EIF2B3: variants seen among roughly 807,000 people sequenced by gnomAD.
EIF2B3 encodes the protein eukaryotic translation initiation factor 2B subunit gamma.
A neutral mutation model predicts 54.1 loss-of-function variants in EIF2B3; 20 were observed. The ratio of observed to expected loss-of-function variants is 0.37; its 90% CI spans 0.26 to 0.54. The LOEUF (loss-of-function observed/expected upper bound fraction) is 0.54. EIF2B3 is among the 20% of genes least tolerant of loss of function. The pLI, the probability that EIF2B3 is intolerant of heterozygous loss-of-function variation, is 0.86. For missense variants in EIF2B3, 448 were observed against 547.8 expected, an observed-to-expected ratio of 0.82 and a Z score of 1.82; for synonymous variants, 153 against 188.1, an observed-to-expected ratio of 0.81 and a Z score of 1.52.
chr1:44,906,518 A>C (rs1643413646), intron 5 of EIF2B3, among the ~76,000 whole-genome samples: 1 of 152,222 alleles, frequency 6.6e-6, no homozygotes, highest in Admixed American at 6.5e-5. Context: ...CTCCTGCCTC[A>C]GCCTCCCGAG....
At chr1:44,891,689 C>T (rs1655801496) in intron 6 of EIF2B3, among the ~76,000 whole-genome samples, 1 of 152,152 alleles carries the variant, frequency 6.6e-6, no homozygotes, top group Non-Finnish European at 1.5e-5. Flanking sequence ...GAAAATTTAT[C>T]AAGTCATAAC....
rs638062 is a variant in EIF2B3 at position 44,958,684 on chromosome 1, G to A, written c.295-17019C>T. On this transcript the variant is annotated intron_variant, in intron 3 of 11. Coordinates refer to ENST00000360403, the MANE Select transcript of EIF2B3 (RefSeq NM_020365.5). ...CAGCATGGCAGTGGTGAGTTTAGTCGCTCACCAGCTATCTGTGCTGCCTGA... is the reference window on the plus strand; with the variant it reads ...CAGCATGGCAGTGGTGAGTTTAGTCACTCACCAGCTATCTGTGCTGCCTGA... 7.9e-3 allele frequency: 12,631 copies of A among 1,596,666 alleles called. 87 individuals are homozygous for A. Among genetic ancestry groups the A allele is most frequent in the African/African-American group, 0.026 (1,918 of 74,612 alleles).
intron 6 of EIF2B3, among the ~76,000 whole-genome samples, chr1:44,883,363 A>C (rs967900221): frequency 1.3e-5 from 2 of 152,154 alleles, no homozygotes; most frequent in Non-Finnish European, 2.9e-5. Context: ...CATGATTACC[A>C]ATCATTTTTC....
chr1:44,979,226 G>A (rs542688475), intron 2 of EIF2B3, among the ~76,000 whole-genome samples: 1 of 151,142 alleles, frequency 6.6e-6, no homozygotes, highest in East Asian at 2.0e-4. Context: ...TCCAGCCTGG[G>A]TAACAGAGTG....
At chr1:44,922,956 A>G (rs1024297508) in intron 5 of EIF2B3, among the ~76,000 whole-genome samples, 2 of 143,836 alleles carry the variant, frequency 1.4e-5, no homozygotes, top group Non-Finnish European at 3.0e-5. Flanking sequence ...AGCACTTCTC[A>G]TGCGTTAGCC....
chr1:44,942,084 A>G (rs1644030319), intron 3 of EIF2B3, among the ~76,000 whole-genome samples: 1 of 152,098 alleles, frequency 6.6e-6, no homozygotes, highest in Admixed American at 6.6e-5. Flanking sequence ...ACTAGGAAAT[A>G]ACAGGATGAA....
intron 5 of EIF2B3, among the ~76,000 whole-genome samples, chr1:44,914,024 T>C (rs1643570747): frequency 2.0e-5 from 3 of 148,848 alleles, no homozygotes; most frequent in Non-Finnish European, 4.4e-5. Context: ...AGAGATGTAG[T>C]CTCAGGATGT....
intron 11 of EIF2B3, among the ~76,000 whole-genome samples, chr1:44,854,560 T>G (rs575912333): frequency 6.6e-6 from 1 of 151,124 alleles, no homozygotes; most frequent in African/African-American, 2.4e-5. Flanking sequence ...TGAAAATGAT[T>G]AGAATTTGGA....
chr1:44,906,455 C>T (rs764175594), intron 5 of EIF2B3, among the ~76,000 whole-genome samples: 39 of 152,238 alleles, frequency 2.6e-4, no homozygotes, highest in Non-Finnish European at 5.0e-4. Context: ...GGCTGGAGTG[C>T]AGTGGCACGA....
chr1:44,909,629 C>T (rs1643475137), intron 5 of EIF2B3, among the ~76,000 whole-genome samples: 2 of 152,182 alleles, frequency 1.3e-5, no homozygotes, highest in Admixed American at 1.3e-4. Flanking sequence ...CATGGGTTAT[C>T]TTACAGCCAT....
intron 11 of EIF2B3, 139 bp downstream of exon 11, chr1:44,857,565 T>A: frequency 1.2e-6 from 1 of 808,352 alleles, no homozygotes; most frequent in Non-Finnish European, 2.1e-6. Context: ...TCAACTGCTC[T>A]CCAAAGATGG....
In EIF2B3 at chr1:44,855,894, A is replaced by G. The variant is rs565183120; in HGVS notation, c.1306+1810T>C. On this transcript the variant is annotated intron_variant, in intron 11 of 11. Coordinates refer to ENST00000360403, the MANE Select transcript of EIF2B3 (RefSeq NM_020365.5). ...CTTAGTAGGGAAGGCTGATTCACGGATAATTGCCATGGCTTGTGAAACATA... is the reference window on the plus strand; with the variant it reads ...CTTAGTAGGGAAGGCTGATTCACGGGTAATTGCCATGGCTTGTGAAACATA... 2.0e-5 allele frequency among the ~76,000 whole-genome samples: 3 copies of G among 152,244 alleles called. No individual in the cohort carries two copies. The South Asian group carries it at 6.2e-4, about 32-fold the overall frequency.
intron 4 of EIF2B3, among the ~76,000 whole-genome samples, chr1:44,938,978 A>G (rs1288228487): frequency 1.3e-5 from 2 of 151,414 alleles, no homozygotes; most frequent in South Asian, 2.1e-4. Context: ...GCGAGTGCCT[A>G]TAGTCCCAGT....
chr1:44,954,512 C>T (rs1484132462), intron 3 of EIF2B3, among the ~76,000 whole-genome samples: 1 of 152,130 alleles, frequency 6.6e-6, no homozygotes, highest in Non-Finnish European at 1.5e-5. Context: ...TGGGCGTTAA[C>T]TCATGATTTG....
chr1:44,959,903 C>T lies in EIF2B3; in HGVS notation c.295-18238G>A, dbSNP rs188496578. Among the ~76,000 whole-genome samples, 12 of 152,240 alleles carry T rather than the reference C, an allele frequency of 7.9e-5. No homozygotes were observed. The East Asian group carries it at 1.9e-3, about 24-fold the overall frequency. On this transcript the variant is annotated intron_variant, in intron 3 of 11. Coordinates refer to ENST00000360403, the MANE Select transcript of EIF2B3 (RefSeq NM_020365.5). ...TTAAGTACCTGTGTTATATGCTACA[C>T]GTCACTTTGAATTCTAGTATTTATG...
chr1:44,854,741 C>T (rs961500383), intron 11 of EIF2B3, among the ~76,000 whole-genome samples: 32 of 151,798 alleles, frequency 2.1e-4, no homozygotes, highest in African/African-American at 7.8e-4. Flanking sequence ...GCATGCACTA[C>T]CACGCCCGGC....
intron 8 of EIF2B3, among the ~76,000 whole-genome samples, chr1:44,876,420 G>A (rs1383870408): frequency 2.8e-5 from 4 of 142,548 alleles, no homozygotes; most frequent in South Asian, 2.4e-4. Flanking sequence ...GGTGAGGAGC[G>A]TCTCTGCCCG....
At chr1:44,928,547 G>A (rs1643872840) in intron 4 of EIF2B3, among the ~76,000 whole-genome samples, 1 of 150,826 alleles carries the variant, frequency 6.6e-6, no homozygotes, top group Non-Finnish European at 1.5e-5. Context: ...AATAACCTAG[G>A]TCTTCTTACT....
chr1:44,875,735 C>A, intron 8 of EIF2B3, 40 bp from the exon 9 acceptor site: 1 of 1,528,290 alleles, frequency 6.5e-7, no homozygotes, highest in Middle Eastern at 1.7e-4. Flanking sequence ...TCAGAAAACA[C>A]CTTAGGTAGC....
Sources: gnomAD v4.1 joint callset for allele counts (sites outside exome capture counted in the v4.1 genomes callset) on GRCh38, gnomAD v4.1.1 for gene constraint, MANE v1.5 for transcripts, NCBI Gene and HGNC (gene_info 2026-07-23, HGNC 2026-07-21) for gene names.